DDC: variants seen among roughly 807,000 people sequenced by gnomAD.
The protein encoded by DDC is aromatic-L-amino-acid decarboxylase.
Under a neutral mutation model 60.0 loss-of-function variants are expected in DDC, and 43 were observed. The observed-to-expected ratio is 0.72, with a 90% CI of 0.56 to 0.92. The LOEUF (loss-of-function observed/expected upper bound fraction) is 0.92. DDC is among the 40% of genes least tolerant of loss of function. The pLI is 0.00. For synonymous variants in DDC, 232 were observed against 234.6 expected, an observed-to-expected ratio of 0.99 and a Z score of 0.10; for missense variants, 573 against 620.2, an observed-to-expected ratio of 0.92 and a Z score of 0.81.
intron 10 of DDC, chr7:50,477,696 G>C: frequency 3.0e-6 from 1 of 337,044 alleles, no homozygotes; most frequent in East Asian, 1.1e-4. Flanking sequence ...TCCACCCCCT[G>C]TTTTATGAGT....
chr7:50,514,490 T>C (rs556158953), intron 6 of DDC, among the ~76,000 whole-genome samples: 1 of 152,214 alleles, frequency 6.6e-6, no homozygotes, highest in East Asian at 1.9e-4. Flanking sequence ...AAATCCCTGA[T>C]TTACCTGAAA....
intron 1 of DDC, among the ~76,000 whole-genome samples, chr7:50,559,428 C>CTTT (rs60591197): frequency 7.5e-4 from 107 of 143,338 alleles, no homozygotes; most frequent in Non-Finnish European, 8.8e-4. Context: ...CAGAACATTT[C>CTTT]TTTTTTTTTT....
At chr7:50,465,664 G>A (rs1166661927) in intron 13 of DDC, among the ~76,000 whole-genome samples, 2 of 152,142 alleles carry the variant, frequency 1.3e-5, no homozygotes, top group African/African-American at 2.4e-5. Context: ...GAGCCACCAC[G>A]CCCAGCCCAA....
intron 14 of DDC, 80 bp downstream of exon 14, chr7:50,463,133 G>T: frequency 1.7e-6 from 2 of 1,165,562 alleles, no homozygotes; most frequent in Non-Finnish European, 2.5e-6. Context: ...GGCTGGGCCT[G>T]TAGCTGGGTC....
chr7:50,505,088 G>T (rs1458882100), intron 6 of DDC, among the ~76,000 whole-genome samples: 1 of 152,176 alleles, frequency 6.6e-6, no homozygotes, highest in Non-Finnish European at 1.5e-5. Flanking sequence ...GGCCTCTCCC[G>T]AGCTCTGAGG....
chr7:50,545,243 A>G (rs1173307427), intron 1 of DDC, among the ~76,000 whole-genome samples: 4 of 152,240 alleles, frequency 2.6e-5, no homozygotes, highest in Non-Finnish European at 5.9e-5. Context: ...ACACATATGT[A>G]CGTCCCTGAG....
intron 2 of DDC, 58 bp from the exon 3 acceptor site, chr7:50,540,086 CG>C: frequency 7.2e-7 from 1 of 1,393,972 alleles, no homozygotes; most frequent in Non-Finnish European, 1.0e-6. Flanking sequence ...CTCAAGAGAG[CG>C]GGGGACCCAG....
intron 10 of DDC, among the ~76,000 whole-genome samples, chr7:50,478,766 T>C (rs1053059050): frequency 6.6e-6 from 1 of 152,114 alleles, no homozygotes; most frequent in African/African-American, 2.4e-5. Flanking sequence ...ATGAGGTACA[T>C]GTGGGAAGGG....
chr7:50,550,879 G>A (rs535624028), intron 1 of DDC, among the ~76,000 whole-genome samples: 1 of 152,198 alleles, frequency 6.6e-6, no homozygotes, highest in African/African-American at 2.4e-5. Flanking sequence ...TTCACAAGAG[G>A]TATGCCCGTA....
intron 9 of DDC, among the ~76,000 whole-genome samples, chr7:50,494,569 C>T (rs768880059): frequency 1.1e-4 from 16 of 148,210 alleles, no homozygotes; most frequent in Non-Finnish European, 1.9e-4. Context: ...CCAACCCGGG[C>T]GACAGAGTGA....
At position 50,537,976 on chromosome 7, in the gene DDC, C is replaced by A; in HGVS notation, c.319G>T (p.Ala107Ser). The A allele has an allele frequency of 6.2e-7, 1 of 1,614,172 alleles. No homozygotes were observed. The highest frequency in any genetic ancestry group is 8.5e-7 in the Non-Finnish European group (1 of 1,180,032). The change falls in exon 4 of 15, where the codon GCA becomes TCA. Residue 107 changes from alanine (A) to serine (S), a missense_variant. Coordinates refer to ENST00000444124, the MANE Select transcript of DDC (RefSeq NM_001082971.2). Reference protein sequence around the residue: ...AIGCIGFSWAASPACTELETV... With the variant: ...AIGCIGFSWASSPACTELETV... ...TCCAGCTCTGTGCATGCTGGGCTTGCCGCCTGTCGTGGGGGAAGGGAAGGG... is the reference window on the plus strand; with the variant it reads ...TCCAGCTCTGTGCATGCTGGGCTTGACGCCTGTCGTGGGGGAAGGGAAGGG...
chr7:50,514,062 G>A (rs758048858), intron 6 of DDC, among the ~76,000 whole-genome samples: 63 of 152,090 alleles, frequency 4.1e-4, no homozygotes, highest in Admixed American at 4.0e-3. Context: ...AACCCTCACG[G>A]AGTCCATTGC....
chr7:50,509,506 C>T (rs1456239709), intron 6 of DDC, among the ~76,000 whole-genome samples: 1 of 152,252 alleles, frequency 6.6e-6, no homozygotes, highest in Non-Finnish European at 1.5e-5. Context: ...ACTATTTACT[C>T]TTCTTTCCTT....
At chr7:50,536,726 A>G (rs1173473067) in intron 4 of DDC, among the ~76,000 whole-genome samples, 1 of 152,242 alleles carries the variant, frequency 6.6e-6, no homozygotes, top group Admixed American at 6.5e-5. Flanking sequence ...AAACAAATAC[A>G]TAAAATTATC....
At chr7:50,545,831 A>G (rs940788028) in intron 1 of DDC, among the ~76,000 whole-genome samples, 2 of 152,204 alleles carry the variant, frequency 1.3e-5, no homozygotes, top group Non-Finnish European at 1.5e-5. Flanking sequence ...CTCACAGCCA[A>G]CAGCACTGTA....
chr7:50,489,116 T>C, intron 9 of DDC, among the ~76,000 whole-genome samples: 1 of 152,118 alleles, frequency 6.6e-6, no homozygotes, highest in East Asian at 1.9e-4. Context: ...CAGCAATTCT[T>C]GTGCCTCAGC....
intron 3 of DDC, among the ~76,000 whole-genome samples, chr7:50,538,182 G>T (rs1041259278): frequency 1.3e-5 from 2 of 152,032 alleles, no homozygotes; most frequent in Non-Finnish European, 2.9e-5. Context: ...CCACCATAAT[G>T]AACCTTACTC....
chr7:50,486,997 T>C (rs2042899661), intron 9 of DDC, among the ~76,000 whole-genome samples: 1 of 152,146 alleles, frequency 6.6e-6, no homozygotes, highest in Admixed American at 6.5e-5. Context: ...CCTCCCTCTT[T>C]CCCTCCAGAC....
At chr7:50,529,388 G>A (rs764297627) in intron 4 of DDC, 46 bp from the exon 5 acceptor site, 3 of 1,609,430 alleles carry the variant, frequency 1.9e-6, no homozygotes, top group Non-Finnish European at 2.6e-6. Context: ...CATAGCGAAG[G>A]CATTGGTACC....
Sources: allele counts gnomAD v4.1 joint callset (sites outside exome capture counted in the v4.1 genomes callset), GRCh38; gene constraint gnomAD v4.1.1; transcripts MANE v1.5; gene names NCBI Gene and HGNC (gene_info 2026-07-23, HGNC 2026-07-21).